Variants in RASAL2 observed in about 807,000 individuals in gnomAD.
RASAL2 encodes RAS protein activator like 2.
Under a neutral mutation model 128.9 loss-of-function variants are expected in RASAL2, and 58 were observed. The observed-to-expected ratio is 0.45, with a 90% CI of 0.36 to 0.56. The LOEUF (loss-of-function observed/expected upper bound fraction) is 0.56, where lower values mean the gene tolerates loss of function less well. RASAL2 is among the 20% of genes least tolerant of loss of function. RASAL2 has a pLI of 0.00. For synonymous variants in RASAL2, 561 were observed against 580.8 expected (o/e 0.97, Z 0.49); for missense variants, 1,360 against 1,601.6 (o/e 0.85, Z 2.57).
Position 178,477,216 on chromosome 1 carries a change from C to T in RASAL2, c.*3977C>T, listed in dbSNP as rs1648737911. 6.6e-6 allele frequency: 1 copy of T among 152,218 alleles called. No individual in the cohort carries two copies. Among genetic ancestry groups the T allele is most frequent in the African/African-American group, 2.4e-5 (1 of 41,444 alleles). The allele number at this position is 152,218 out of a possible 1,614,324, so 9.4% of individuals were successfully genotyped here. A position where few individuals can be genotyped will look rare whatever the true frequency, so the allele number is the denominator to read the frequency against. ...TTTTTCAAGTCTAATAGTGAAATCT[C>T]CTGCTTACCCCAGCAGTAAATAGTT... On this transcript the variant is annotated 3_prime_UTR_variant, in exon 18 of 18. Coordinates refer to ENST00000367649, the MANE Select transcript of RASAL2 (RefSeq NM_170692.4).
At chr1:178,419,509 A>C (rs1436130655) in intron 4 of RASAL2, among the ~76,000 whole-genome samples, 1 of 151,834 alleles carries the variant, frequency 6.6e-6, no homozygotes, top group African/African-American at 2.4e-5. Context: ...GCTGGTCTTA[A>C]ATTCCTGGCC....
At chr1:178,193,126 ATTTTCAGGT>A (rs1297801045) in intron 1 of RASAL2, among the ~76,000 whole-genome samples, 1 of 152,192 alleles carries the variant, frequency 6.6e-6, no homozygotes, top group African/African-American at 2.4e-5. Flanking sequence ...TCATCCCAAA[ATTTTCAGGT>A]TTTTCTGCCA....
intron 3 of RASAL2, among the ~76,000 whole-genome samples, chr1:178,373,872 T>A (rs1671851074): frequency 6.6e-6 from 1 of 152,074 alleles, no homozygotes; most frequent in East Asian, 1.9e-4. Context: ...AGAACTTGCT[T>A]AGAAGAAAAA....
In RASAL2 at chr1:178,161,518, T is replaced by G. The variant is rs567788205; in HGVS notation, c.202+66824T>G. Among the ~76,000 whole-genome samples, 235 of 152,354 alleles carry G rather than the reference T, an allele frequency of 1.5e-3. 1 individual carries two copies. Among genetic ancestry groups the G allele is most frequent in the African/African-American group, 5.4e-3 (225 of 41,596 alleles). On this transcript the variant is annotated intron_variant, in intron 1 of 17. Transcript: ENST00000367649. ...ATTTGAATATACCACATTCATCATT[T>G]GATGGACATTTGGGTTTTTTCTACC...
intron 1 of RASAL2, among the ~76,000 whole-genome samples, chr1:178,102,599 T>C (rs980538943): frequency 6.6e-6 from 1 of 152,220 alleles, no homozygotes; most frequent in Non-Finnish European, 1.5e-5. Context: ...TATTAATACA[T>C]ATTTGGTATC....
chr1:178,211,538 T>A (rs1461001499), intron 1 of RASAL2, among the ~76,000 whole-genome samples: 4 of 152,164 alleles, frequency 2.6e-5, no homozygotes, highest in East Asian at 1.9e-4. Flanking sequence ...CTCCCATTGC[T>A]TCTCGCCCCA....
chr1:178,221,247 T>A (rs182174103), intron 1 of RASAL2, among the ~76,000 whole-genome samples: 136 of 152,310 alleles, frequency 8.9e-4, no homozygotes, highest in African/African-American at 2.7e-3. Flanking sequence ...CTGTTGAGAT[T>A]TTTGCCCATT....
chr1:178,267,087 C>T (rs563730548), intron 1 of RASAL2, among the ~76,000 whole-genome samples: 1 of 152,144 alleles, frequency 6.6e-6, no homozygotes, highest in East Asian at 1.9e-4. Flanking sequence ...CCCTTTTCCT[C>T]TCCTATCTGC....
At chr1:178,216,302 A>G (rs1325438813) in intron 1 of RASAL2, among the ~76,000 whole-genome samples, 2 of 152,256 alleles carry the variant, frequency 1.3e-5, no homozygotes, top group African/African-American at 2.4e-5. Flanking sequence ...TCGTTGATTT[A>G]CAGTGTTTTA....
intron 14 of RASAL2, among the ~76,000 whole-genome samples, chr1:178,461,492 C>T (rs1320609224): frequency 6.6e-6 from 1 of 151,938 alleles, no homozygotes; most frequent in Non-Finnish European, 1.5e-5. Context: ...CCCATTTCAG[C>T]CTCTGTTTGT....
chr1:178,325,768 AAGATG>A (rs750905838), intron 3 of RASAL2, among the ~76,000 whole-genome samples: 2 of 152,188 alleles, frequency 1.3e-5, no homozygotes, highest in Non-Finnish European at 2.9e-5. Flanking sequence ...GTTACAGTAA[AAGATG>A]AGCTTTTATA....
At chr1:178,401,374 G>A (rs561691449) in intron 4 of RASAL2, among the ~76,000 whole-genome samples, 2 of 152,206 alleles carry the variant, frequency 1.3e-5, no homozygotes, top group East Asian at 3.8e-4. Context: ...TTCTGTGGAA[G>A]TCCTGTGAGA....
intron 5 of RASAL2, among the ~76,000 whole-genome samples, chr1:178,432,123 G>T (rs191201409): frequency 3.7e-4 from 56 of 151,786 alleles, no homozygotes; most frequent in African/African-American, 1.2e-3. Context: ...TGTTTCAGGA[G>T]AAAAATTAAA....
chr1:178,285,385 G>A (rs1666980529), intron 2 of RASAL2, among the ~76,000 whole-genome samples: 1 of 151,992 alleles, frequency 6.6e-6, no homozygotes, highest in Admixed American at 6.5e-5. Flanking sequence ...CTCCCAAAGT[G>A]CTGGGATTAC....
chr1:178,131,662 T>C (rs777506127), intron 1 of RASAL2, among the ~76,000 whole-genome samples: 2 of 152,152 alleles, frequency 1.3e-5, no homozygotes, highest in African/African-American at 2.4e-5. Flanking sequence ...ATCAACTATC[T>C]TATTTCCTTA....
At chr1:178,190,283 C>T (rs990483033) in intron 1 of RASAL2, among the ~76,000 whole-genome samples, 1 of 143,312 alleles carries the variant, frequency 7.0e-6, no homozygotes, top group African/African-American at 3.0e-5. Context: ...TCCAATATCT[C>T]AAAAATAGGC....
chr1:178,321,988 C>CA (rs780276705), intron 3 of RASAL2, among the ~76,000 whole-genome samples: 10,119 of 132,210 alleles, frequency 0.077, 1,121 homozygotes, highest in African/African-American at 0.25. Flanking sequence ...AACTCCATCT[C>CA]AAAAAAAAAA....
At chr1:178,277,416 C>T (rs1666574749) in intron 1 of RASAL2, among the ~76,000 whole-genome samples, 1 of 152,158 alleles carries the variant, frequency 6.6e-6, no homozygotes. Context: ...ACCTTGGCCT[C>T]CCAAAGTGCT....
At chr1:178,104,062 G>T (rs115816217) in intron 1 of RASAL2, among the ~76,000 whole-genome samples, 1 of 151,728 alleles carries the variant, frequency 6.6e-6, no homozygotes, top group Non-Finnish European at 1.5e-5. Context: ...GGGCTTTCCT[G>T]TTCTGAGGTT....
Sources: gnomAD v4.1 joint callset for allele counts (sites outside exome capture counted in the v4.1 genomes callset) on GRCh38, gnomAD v4.1.1 for gene constraint, MANE v1.5 for transcripts, NCBI Gene and HGNC (gene_info 2026-07-23, HGNC 2026-07-21) for gene names.